RNF123: variants seen among roughly 807,000 people sequenced by gnomAD.
RNF123 encodes E3 ubiquitin-protein ligase RNF123.
In RNF123, 86 loss-of-function variants were observed where a neutral mutation model predicts 168.5. That is an observed-to-expected ratio of 0.51 (90% CI 0.43 to 0.61). The LOEUF (loss-of-function observed/expected upper bound fraction) is 0.61. Ranked by LOEUF, RNF123 falls within the 20% of genes least tolerant of loss-of-function variation. The probability of loss-of-function intolerance (pLI) is 0.00; values close to 1 mark genes in which losing one functional copy is unlikely to be tolerated. For synonymous variants in RNF123, 666 were observed against 689.1 expected (o/e 0.97, Z 0.52); for missense variants, 1,419 against 1,729.7 (o/e 0.82, Z 3.19).
At chr3:49,705,257 C>T in intron 23 of RNF123, 75 bp downstream of exon 23, 1 of 1,491,990 alleles carries the variant, frequency 6.7e-7, no homozygotes, top group Non-Finnish European at 9.1e-7. Context: ...CGGGCAAAGC[C>T]AAAATACACC....
In RNF123 at chr3:49,704,859, G is replaced by C. The variant is rs865877655; in HGVS notation, c.1959+103G>C. ...CACTTCCCGCTCCATGCAGGCAAAG[G>C]GTTTCTCACTGGGCTGGTGCCTTGC... On this transcript the variant is annotated intron_variant, in intron 22 of 38. Coordinates refer to ENST00000327697, the MANE Select transcript of RNF123 (RefSeq NM_022064.5). 78 of 1,390,866 alleles carry C rather than the reference G, an allele frequency of 5.6e-5. 1 individual carries two copies. The Middle Eastern group carries it at 4.3e-3, about 76-fold the overall frequency. The allele number at this position is 1,390,866 out of a possible 1,614,324, so 86.2% of individuals were successfully genotyped here. A position where few individuals can be genotyped will look rare whatever the true frequency, so the allele number is the denominator to read the frequency against.
intron 34 of RNF123, 22 bp downstream of exon 34, chr3:49,716,199 A>AC: frequency 6.2e-7 from 1 of 1,611,398 alleles, no homozygotes; most frequent in Non-Finnish European, 8.5e-7. Flanking sequence ...GATGCCCTGC[A>AC]CCCCAACACA....
intron 3 of RNF123, among the ~76,000 whole-genome samples, chr3:49,696,031 C>A (rs1411818317): frequency 6.6e-6 from 1 of 152,158 alleles, no homozygotes; most frequent in Non-Finnish European, 1.5e-5. Flanking sequence ...AGGGCTGAGC[C>A]TTTCATACTT....
chr3:49,702,500 T>G, intron 19 of RNF123, 95 bp downstream of exon 19: 2 of 1,601,776 alleles, frequency 1.2e-6, no homozygotes, highest in Non-Finnish European at 1.7e-6. Context: ...GCCTCATCCC[T>G]GCCTAGCCCC....
rs535187270 is a variant in RNF123, at chr3:49,701,854, G to T, written c.1439G>T (p.Arg480Leu). The T allele has an allele frequency of 8.9e-6, 14 of 1,571,184 alleles. No individual in the cohort carries two copies. In the Admixed American group the frequency reaches 1.3e-4, roughly 15 times the overall value. ...TEMKEETAEE[R>L]LRRRAYERGC... is the part of the protein sequence containing the mutation. The stretch of plus-strand genomic sequence containing the variant: ...ATGAAGGAGGAGACCGCAGAGGAGC[G>T]GCTGCGGCGGCGAGCCTACGAACGG... Residue 480 changes from arginine (R) to leucine (L), a missense_variant, in exon 17 of 39, where the codon CGG (arginine) becomes CTG (leucine). This residue lies in a region of RNF123 where 349 missense variants were observed against 344.9 expected (regional missense o/e 1.01). Transcript: ENST00000327697.
intron 26 of RNF123, among the ~76,000 whole-genome samples, chr3:49,709,382 G>C: frequency 6.7e-6 from 1 of 149,158 alleles, no homozygotes; most frequent in African/African-American, 2.5e-5. Flanking sequence ...CTCACTGCAA[G>C]CTCCGCCTCC....
chr3:49,700,324 T>TCCTG lies in RNF123; in HGVS notation c.1083_1086dup (p.Asp363ProfsTer54). 1.2e-6 allele frequency: 2 copies of TCCTG among 1,614,186 alleles called. No individual in the cohort carries two copies. The highest frequency in any genetic ancestry group is 2.2e-5 in the South Asian group (2 of 91,088). ...CAGGCACAGTCCGTGGTGCACCAGG[T>TCCTG]CCTGGACCTCTTGTGGCTCTTCATG... On this transcript the variant is annotated frameshift_variant, in exon 13 of 39. Coordinates refer to ENST00000327697, the MANE Select transcript of RNF123 (RefSeq NM_022064.5). LOFTEE classifies it high-confidence loss of function.
In RNF123 at chr3:49,697,353, C is replaced by G; in HGVS notation, c.248-10C>G. The G allele has an allele frequency of 1.2e-6, 2 of 1,606,322 alleles. No individual in the cohort carries two copies. The highest frequency in any genetic ancestry group is 1.3e-5 in the African/African-American group (1 of 74,922). Reference sequence around the variant, plus strand: ...TCCACCCTGCCTGACCCCACCTCTCCTCTTTTCAGGACAGGTTGAAGGGCG... The same window carrying G: ...TCCACCCTGCCTGACCCCACCTCTCGTCTTTTCAGGACAGGTTGAAGGGCG... On this transcript the variant is annotated splice_polypyrimidine_tract_variant and intron_variant, in intron 4 of 38. Coordinates refer to ENST00000327697, the MANE Select transcript of RNF123 (RefSeq NM_022064.5).
chr3:49,704,799 TC>T, intron 22 of RNF123, 43 bp downstream of exon 22: 1 of 1,518,402 alleles, frequency 6.6e-7, no homozygotes, highest in East Asian at 2.4e-5. Flanking sequence ...GTTGGGCTTA[TC>T]CTGTATCTTA....
chr3:49,713,381 T>A, intron 27 of RNF123, 132 bp from the exon 28 acceptor site: 1 of 792,456 alleles, frequency 1.3e-6, no homozygotes, highest in East Asian at 2.7e-5. Context: ...TGTCCCCAGA[T>A]GCCACCCTGG....
rs771578425 is a variant in RNF123, at chr3:49,703,514, G to A, written c.1838G>A (p.Arg613Gln). 6.5e-5 allele frequency: 105 copies of A among 1,613,854 alleles called. No homozygotes were observed. Among genetic ancestry groups the A allele is most frequent in the Non-Finnish European group, 8.6e-5 (101 of 1,179,892 alleles). ...QRLGGLLSHL[R>Q]KTLKDDLASK... ...CTGGGGGGCCTCCTCTCGCACCTGC[G>A]GAAGACCCTCAAAGGTGTGTACAGG... Residue 613 changes from arginine to glutamine, a missense_variant, in exon 21 of 39, where the codon CGG becomes CAG. Transcript: ENST00000327697.
At chr3:49,706,148 C>A in intron 25 of RNF123, 83 bp downstream of exon 25, 1 of 1,277,226 alleles carries the variant, frequency 7.8e-7, no homozygotes, top group Non-Finnish European at 1.1e-6. Context: ...TGGGGGCTGC[C>A]CTGGCAGTTC....
At chr3:49,719,404 G>C in intron 35 of RNF123, 1 of 1,613,636 alleles carries the variant, frequency 6.2e-7, no homozygotes, top group Non-Finnish European at 8.5e-7. Context: ...CTCGGAGTCC[G>C]GGGTGCCTAA....
chr3:49,699,645 C>A lies in RNF123; in HGVS notation c.880-23C>A. 4 of 1,613,304 alleles carry A rather than the reference C, an allele frequency of 2.5e-6. No homozygotes were observed. Among genetic ancestry groups the A allele is most frequent in the Non-Finnish European group, 3.4e-6 (4 of 1,179,564 alleles). ...CCACAGCCTCCTGCCCCTCACACTT[C>A]TCCCTCCTCCCCCTCCACACAGGAG... On this transcript the variant is annotated intron_variant, in intron 11 of 38. Coordinates refer to ENST00000327697, the MANE Select transcript of RNF123 (RefSeq NM_022064.5). The surrounding 1 kb of genome is among the most constrained non-coding windows in gnomAD (Gnocchi z 4.8).
At chr3:49,709,198 C>A (rs2080093314) in intron 26 of RNF123, among the ~76,000 whole-genome samples, 1 of 152,022 alleles carries the variant, frequency 6.6e-6, no homozygotes. Flanking sequence ...ATGGCGCGAT[C>A]TCGGCTCACG....
At chr3:49,707,111 G>T (rs558594471) in intron 26 of RNF123, among the ~76,000 whole-genome samples, 1 of 152,128 alleles carries the variant, frequency 6.6e-6, no homozygotes, top group Non-Finnish European at 1.5e-5. Flanking sequence ...CCTCCAGTTC[G>T]CCTCATAGAC....
rs1328112456 is a variant in RNF123, at chr3:49,721,182, T to C, written c.3825-3T>C. On this transcript the variant is annotated splice_polypyrimidine_tract_variant and splice_region_variant and intron_variant, in intron 38 of 38. Coordinates refer to ENST00000327697, the MANE Select transcript of RNF123 (RefSeq NM_022064.5). ...GCAGTCCTCATCCCCTCCCCTGTTGTAGAGCCTGTATCAACCAGCACCTGA... is the reference window on the plus strand; with the variant it reads ...GCAGTCCTCATCCCCTCCCCTGTTGCAGAGCCTGTATCAACCAGCACCTGA... The C allele has an allele frequency of 6.2e-7, 1 of 1,614,160 alleles. No individual in the cohort carries two copies. Among genetic ancestry groups the C allele is most frequent in the Non-Finnish European group, 8.5e-7 (1 of 1,180,012 alleles).
intron 12 of RNF123, 116 bp from the exon 13 acceptor site, chr3:49,700,111 G>A: frequency 1.4e-6 from 2 of 1,452,858 alleles, no homozygotes; most frequent in East Asian, 2.4e-5. Context: ...GTTTGGTGTT[G>A]CTCGAGTGGC....
chr3:49,703,152 G>T (rs1575527723), intron 20 of RNF123, among the ~76,000 whole-genome samples: 1 of 152,214 alleles, frequency 6.6e-6, no homozygotes, highest in Non-Finnish European at 1.5e-5. Context: ...CTGGGGCTGG[G>T]CCTCTCTGCT....
Sources: allele counts gnomAD v4.1 joint callset (sites outside exome capture counted in the v4.1 genomes callset), GRCh38; gene constraint gnomAD v4.1.1; regional missense constraint gnomAD v4.1.1; non-coding constraint Gnocchi (gnomAD v3.1); transcripts MANE v1.5; gene names NCBI Gene and HGNC (gene_info 2026-07-23, HGNC 2026-07-21).